Variants in PPIH observed in about 807,000 individuals in gnomAD.
PPIH encodes peptidylprolyl isomerase H.
Under a neutral mutation model 27.6 loss-of-function variants are expected in PPIH, and 16 were observed. The observed-to-expected ratio is 0.58, with a 90% CI of 0.39 to 0.88. The LOEUF (loss-of-function observed/expected upper bound fraction) is 0.88. PPIH is among the 40% of genes least tolerant of loss of function. PPIH has a pLI of 0.00. For synonymous variants in PPIH, 63 were observed against 76.1 expected, an observed-to-expected ratio of 0.83 and a Z score of 0.90; for missense variants, 155 against 224.1, an observed-to-expected ratio of 0.69 and a Z score of 1.97.
downstream of PPIH, among the ~76,000 whole-genome samples, chr1:42,679,593 A>G (rs1649973846): frequency 6.6e-6 from 1 of 152,250 alleles, no homozygotes; most frequent in African/African-American, 2.4e-5. Flanking sequence ...CATTGAAAAG[A>G]CAGATGTTAC....
rs1649900904 is a variant in PPIH, at chr1:42,676,647, TCCCTGCCTGCTGCTGCC to T, written c.*88_*104del. The T allele has an allele frequency of 1.3e-5, 2 of 151,808 alleles. No homozygotes were observed. The highest frequency in any genetic ancestry group is 4.8e-5 in the African/African-American group (2 of 41,308). The allele number at this position is 151,808 out of a possible 1,614,324, so 9.4% of individuals were successfully genotyped here. On this transcript the variant is annotated 3_prime_UTR_variant, in exon 10 of 10. Coordinates refer to ENST00000304979, the MANE Select transcript of PPIH (RefSeq NM_006347.4). ...ATCTGGACTGGCCCCCGTCTTTGCT[TCCCTGCCTGCTGCTGCC>T]CCATTTGATCAAGAGACCATGGAAG...
intron 6 of PPIH, among the ~76,000 whole-genome samples, chr1:42,665,725 C>G (rs1341033371): frequency 6.6e-6 from 1 of 151,990 alleles, no homozygotes; most frequent in Admixed American, 6.6e-5. Context: ...TGACACACAC[C>G]TGTAGTCCCA....
downstream of PPIH, among the ~76,000 whole-genome samples, chr1:42,680,328 C>G (rs562523945): frequency 6.6e-6 from 1 of 152,328 alleles, no homozygotes; most frequent in African/African-American, 2.4e-5. Context: ...CCCTTGTCAT[C>G]TGATACACTG....
intron 5 of PPIH, 120 bp downstream of exon 5, chr1:42,661,024 A>C: frequency 1.1e-6 from 1 of 903,040 alleles, no homozygotes; most frequent in East Asian, 2.5e-5. Context: ...GCCAGGTTTG[A>C]TGTGGGTGTT....
At chr1:42,658,687 A>G in intron 1 of PPIH, 157 bp from the exon 2 acceptor site, 1 of 1,117,658 alleles carries the variant, frequency 8.9e-7, no homozygotes, top group Admixed American at 2.2e-5. Context: ...CCCCAATCCT[A>G]GCGCCCCGCT....
intron 2 of PPIH, 77 bp from the exon 3 acceptor site, chr1:42,659,151 T>C: frequency 6.3e-7 from 1 of 1,595,602 alleles, no homozygotes; most frequent in Middle Eastern, 1.7e-4. Flanking sequence ...CTCCAGTGTT[T>C]ATTCTTTCCC....
intron 5 of PPIH, among the ~76,000 whole-genome samples, chr1:42,663,086 G>T (rs375574103): frequency 6.6e-6 from 1 of 152,258 alleles, no homozygotes; most frequent in East Asian, 1.9e-4. Flanking sequence ...TATAGATAAC[G>T]TGATTACGGA....
intron 9 of PPIH, among the ~76,000 whole-genome samples, chr1:42,672,418 G>A (rs895810319): frequency 6.7e-6 from 1 of 150,166 alleles, no homozygotes; most frequent in Non-Finnish European, 1.5e-5. Flanking sequence ...CTCTCTTGGT[G>A]GCACTAGTCC....
At chr1:42,667,507 A>G in intron 9 of PPIH, 67 bp downstream of exon 9, 7 of 1,355,034 alleles carry the variant, frequency 5.2e-6, no homozygotes, top group Non-Finnish European at 6.2e-6. Flanking sequence ...GTCTAGTGGA[A>G]AGAACTTTAG....
chr1:42,659,162 G>A (rs1648852424), intron 2 of PPIH, 66 bp from the exon 3 acceptor site: 2 of 1,602,168 alleles, frequency 1.2e-6, no homozygotes, highest in South Asian at 1.1e-5. Context: ...ATTCTTTCCC[G>A]TATTTAGAGG....
intron 6 of PPIH, among the ~76,000 whole-genome samples, 194 bp from the exon 7 acceptor site, chr1:42,665,786 G>A (rs1649298323): frequency 6.6e-6 from 1 of 152,104 alleles, no homozygotes; most frequent in Admixed American, 6.5e-5. Flanking sequence ...AGGAGTTTGA[G>A]GCTGCAGTGA....
intron 3 of PPIH, 81 bp from the exon 4 acceptor site, chr1:42,659,441 C>G: frequency 1.2e-6 from 2 of 1,614,088 alleles, no homozygotes; most frequent in Non-Finnish European, 1.7e-6. Flanking sequence ...TAGGAGAGTC[C>G]TTTTGGCTCC....
chr1:42,660,710 G>A (rs991346700), intron 4 of PPIH, 152 bp from the exon 5 acceptor site: 25 of 634,844 alleles, frequency 3.9e-5, no homozygotes, highest in African/African-American at 3.5e-4. Flanking sequence ...GATTACAGGC[G>A]TGAGCTACCG....
intron 3 of PPIH, 88 bp from the exon 4 acceptor site, chr1:42,659,434 G>C (rs1648876153): frequency 1.2e-6 from 2 of 1,614,106 alleles, no homozygotes; most frequent in Non-Finnish European, 1.7e-6. Context: ...CCATCTTTAG[G>C]AGAGTCCTTT....
intron 9 of PPIH, among the ~76,000 whole-genome samples, chr1:42,668,208 A>C (rs1490030989): frequency 1.3e-5 from 2 of 152,174 alleles, no homozygotes; most frequent in Non-Finnish European, 2.9e-5. Context: ...CCTGCAAAAA[A>C]GTTAGAAGAT....
chr1:42,680,491 A>T (rs957320355), downstream of PPIH, among the ~76,000 whole-genome samples: 1 of 152,246 alleles, frequency 6.6e-6, no homozygotes, highest in African/African-American at 2.4e-5. Context: ...GAAGTCATAG[A>T]GTCCAGTAAA....
chr1:42,670,368 A>T (rs1212610701), intron 9 of PPIH, among the ~76,000 whole-genome samples: 3 of 152,148 alleles, frequency 2.0e-5, no homozygotes, highest in African/African-American at 7.2e-5. Context: ...CTGACCACTG[A>T]TCACTACCAG....
At chr1:42,666,508 GTAAACAAGAA>G (rs1306607678) in intron 7 of PPIH, 29 bp from the exon 8 acceptor site, 1 of 1,601,724 alleles carries the variant, frequency 6.2e-7, no homozygotes, top group African/African-American at 1.3e-5. Context: ...AAAATGCTAT[GTAAACAAGAA>G]TAAAGTCCAG....
chr1:42,675,155 C>T (rs899085373), intron 9 of PPIH: 1 of 152,234 alleles, frequency 6.6e-6, no homozygotes, highest in Non-Finnish European at 1.5e-5. Context: ...GATAATACTT[C>T]TGCAGAGTAG....
Sources: gnomAD v4.1 joint callset for allele counts (sites outside exome capture counted in the v4.1 genomes callset) on GRCh38, gnomAD v4.1.1 for gene constraint, MANE v1.5 for transcripts, NCBI Gene and HGNC (gene_info 2026-07-23, HGNC 2026-07-21) for gene names.